IL1RAPL2: variants seen among roughly 807,000 people sequenced by gnomAD.
IL1RAPL2 encodes interleukin 1 receptor accessory protein like 2.
Under a neutral mutation model 44.1 loss-of-function variants are expected in IL1RAPL2, and 3 were observed. That is an observed-to-expected ratio of 0.07 (90% CI 0.03 to 0.18). IL1RAPL2 has a LOEUF of 0.18. Ranked by LOEUF, IL1RAPL2 falls within the 10% of genes least tolerant of loss-of-function variation. The pLI is 1.00. For synonymous variants in IL1RAPL2, 181 were observed against 178.8 expected (o/e 1.01, Z -0.10); for missense variants, 391 against 496.4 (o/e 0.79, Z 2.02).
chrX:104,886,436 G>A (rs1923246571), intron 2 of IL1RAPL2, among the ~76,000 whole-genome samples: 1 of 111,779 alleles, frequency 8.9e-6, no homozygotes, highest in South Asian at 3.7e-4. Flanking sequence ...ATCCCTTAAG[G>A]CCTGAAGCTG....
intron 4 of IL1RAPL2, among the ~76,000 whole-genome samples, chrX:105,238,446 A>T (rs1438622116): frequency 9.0e-6 from 1 of 111,650 alleles, no homozygotes; most frequent in Non-Finnish European, 1.9e-5. Context: ...AAACCCACTG[A>T]AAAATAGCAG....
intron 6 of IL1RAPL2, among the ~76,000 whole-genome samples, chrX:105,645,449 G>T (rs965639900): frequency 1.1e-4 from 12 of 111,660 alleles, no homozygotes; most frequent in African/African-American, 3.9e-4. Flanking sequence ...TCTTAGCTAC[G>T]GGCCAAAAGT....
chrX:104,668,128 G>T (rs1930518279), intron 2 of IL1RAPL2, among the ~76,000 whole-genome samples: 1 of 110,904 alleles, frequency 9.0e-6, no homozygotes, highest in Non-Finnish European at 1.9e-5. Flanking sequence ...GATTCAGGTA[G>T]TTAGGAAACA....
chrX:104,729,076 C>T (rs1018580416), intron 2 of IL1RAPL2, among the ~76,000 whole-genome samples: 4 of 109,962 alleles, frequency 3.6e-5, no homozygotes, highest in Non-Finnish European at 5.7e-5. Context: ...ATCTGTATAT[C>T]CAAATCAGTA....
At chrX:105,083,278 A>C (rs2032436985) in intron 2 of IL1RAPL2, among the ~76,000 whole-genome samples, 1 of 111,518 alleles carries the variant, frequency 9.0e-6, no homozygotes, top group Non-Finnish European at 1.9e-5. Context: ...GGAATGAATA[A>C]AGCCTCTAAA....
At chrX:104,895,030 T>C (rs1431599520) in intron 2 of IL1RAPL2, among the ~76,000 whole-genome samples, 1 of 112,774 alleles carries the variant, frequency 8.9e-6, no homozygotes. Flanking sequence ...TGCAGGTCTG[T>C]TGGAGTTTTC....
chrX:104,585,237 TATA>T (rs1435354909), intron 1 of IL1RAPL2, among the ~76,000 whole-genome samples: 2 of 54,435 alleles, frequency 3.7e-5, no homozygotes, highest in Non-Finnish European at 6.1e-5. Context: ...TGTGTATATA[TATA>T]ATATATGATA....
At chrX:105,142,011 A>G (rs1244166174) in intron 2 of IL1RAPL2, among the ~76,000 whole-genome samples, 1 of 112,370 alleles carries the variant, frequency 8.9e-6, no homozygotes, top group Non-Finnish European at 1.9e-5. Flanking sequence ...ATCACACAAA[A>G]TAAGAGAAAT....
At chrX:105,520,889 G>T (rs749833884) in intron 6 of IL1RAPL2, among the ~76,000 whole-genome samples, 1 of 104,251 alleles carries the variant, frequency 9.6e-6, no homozygotes, top group African/African-American at 3.5e-5. Flanking sequence ...TAGCCAAAAG[G>T]CTTAGAAGCA....
Position 105,767,355 on chromosome X carries a change from C to A in IL1RAPL2, c.1755C>A (p.Pro585=). Residue 585 remains proline, a synonymous_variant, in exon 11 of 11, where the codon CCC becomes CCA. Transcript: ENST00000372582. The part of the protein sequence containing the change: ...QGLFGELQPI[P]SIAMTSTSAT... ...TTTTTGGAGAACTCCAGCCTATACC[C>A]TCTATTGCCATGACCAGTACTTCAG... The A allele has an allele frequency of 8.3e-7, 1 of 1,211,852 alleles. No individual in the cohort carries two copies. The highest frequency in any genetic ancestry group is 1.1e-6 in the Non-Finnish European group (1 of 895,417).
chrX:104,866,157 T>C (rs1922609167), intron 2 of IL1RAPL2, among the ~76,000 whole-genome samples: 1 of 111,791 alleles, frequency 8.9e-6, no homozygotes, highest in Admixed American at 9.5e-5. Flanking sequence ...ACTTCTGACC[T>C]ATGGTTCAGA....
chrX:105,627,343 T>G, intron 6 of IL1RAPL2, among the ~76,000 whole-genome samples: 1 of 111,703 alleles, frequency 9.0e-6, no homozygotes, highest in Non-Finnish European at 1.9e-5. Flanking sequence ...CAAGTAGAAT[T>G]AAAAAATACA....
intron 5 of IL1RAPL2, among the ~76,000 whole-genome samples, chrX:105,456,242 C>A (rs1243780762): frequency 8.9e-6 from 1 of 111,953 alleles, no homozygotes; most frequent in East Asian, 2.8e-4. Context: ...AGATTTTCTA[C>A]ATATAAGACC....
intron 8 of IL1RAPL2, among the ~76,000 whole-genome samples, chrX:105,741,545 C>T (rs1041822182): frequency 3.6e-5 from 4 of 111,818 alleles, no homozygotes; most frequent in Non-Finnish European, 3.8e-5. Flanking sequence ...AGTTGTACTT[C>T]CTGGCCAGGA....
chrX:105,275,284 C>T (rs1381842782), intron 5 of IL1RAPL2, among the ~76,000 whole-genome samples: 3 of 110,758 alleles, frequency 2.7e-5, no homozygotes, highest in Non-Finnish European at 5.7e-5. Context: ...ACATAATATT[C>T]CCAGCCCCCA....
chrX:105,365,558 A>G (rs2035287494), intron 5 of IL1RAPL2, among the ~76,000 whole-genome samples: 1 of 111,270 alleles, frequency 9.0e-6, no homozygotes, highest in African/African-American at 3.3e-5. Context: ...ATTTTTTATT[A>G]GTGATTCAAT....
chrX:105,293,091 C>T (rs1427866021), intron 5 of IL1RAPL2, among the ~76,000 whole-genome samples: 1 of 87,507 alleles, frequency 1.1e-5, no homozygotes, highest in African/African-American at 4.9e-5. Flanking sequence ...GCACTCCAGC[C>T]TAGGCGACAG....
intron 1 of IL1RAPL2, among the ~76,000 whole-genome samples, chrX:104,599,521 CA>C (rs1372580696): frequency 9.0e-6 from 1 of 110,538 alleles, no homozygotes; most frequent in African/African-American, 3.3e-5. Context: ...GTGCTGGGAT[CA>C]CAAGCATGAG....
chrX:105,601,906 C>T (rs915208482), intron 6 of IL1RAPL2, among the ~76,000 whole-genome samples: 2 of 110,896 alleles, frequency 1.8e-5, no homozygotes, highest in African/African-American at 6.6e-5. Context: ...CACATAGCAT[C>T]CTATACCCCA....
Sources: allele counts gnomAD v4.1 joint callset (sites outside exome capture counted in the v4.1 genomes callset), GRCh38; gene constraint gnomAD v4.1.1; transcripts MANE v1.5; gene names NCBI Gene and HGNC (gene_info 2026-07-23, HGNC 2026-07-21).